The following VWA2 variants were observed in gnomAD, a reference collection of about 807,000 sequenced individuals.
VWA2 encodes the protein von Willebrand factor A domain containing 2.
A neutral mutation model predicts 70.4 loss-of-function variants in VWA2; 73 were observed. The ratio of observed to expected loss-of-function variants is 1.04; its 90% CI spans 0.86 to 1.26. The LOEUF (loss-of-function observed/expected upper bound fraction) is 1.26, where lower values mean the gene tolerates loss of function less well. Among genes scored for constraint, VWA2 ranks in the 50% most tolerant of loss-of-function variants. The probability of loss-of-function intolerance (pLI) is 0.00; values close to 1 mark genes in which losing one functional copy is unlikely to be tolerated. For synonymous variants in VWA2, 407 were observed against 423.3 expected (o/e 0.96, Z 0.47); for missense variants, 1,011 against 998.5 (o/e 1.01, Z -0.17).
intron 1 of VWA2, among the ~76,000 whole-genome samples, chr10:114,242,765 T>G (rs754628870): frequency 2.0e-5 from 3 of 152,266 alleles, no homozygotes; most frequent in Non-Finnish European, 4.4e-5. Flanking sequence ...AATGATAATA[T>G]CTACCCTACA....
At chr10:114,242,597 CTG>C (rs1205056483) in intron 1 of VWA2, among the ~76,000 whole-genome samples, 3 of 152,092 alleles carry the variant, frequency 2.0e-5, no homozygotes, top group African/African-American at 7.2e-5. Context: ...CCGCATGTCT[CTG>C]TGTACCACGT....
At chr10:114,240,036 A>G (rs1040803579) in intron 1 of VWA2, among the ~76,000 whole-genome samples, 17 of 152,202 alleles carry the variant, frequency 1.1e-4, no homozygotes, top group Admixed American at 6.5e-4. Flanking sequence ...CCCACACCCC[A>G]CTACAGGACA....
At chr10:114,263,217 G>A (rs1264263869) in intron 5 of VWA2, among the ~76,000 whole-genome samples, 1 of 151,452 alleles carries the variant, frequency 6.6e-6, no homozygotes, top group Non-Finnish European at 1.5e-5. Context: ...GTTTCCCCAT[G>A]TTGCCCAGGC....
In VWA2 at chr10:114,250,124, C is replaced by T. The variant is rs114910987; in HGVS notation, c.52+1359C>T. On this transcript the variant is annotated intron_variant, in intron 2 of 13. Coordinates refer to ENST00000392982, the MANE Select transcript of VWA2 (RefSeq NM_001272046.2). The stretch of plus-strand genomic sequence containing the variant: ...TCCCCCTCTTCAAACCCCTTGTAGA[C>T]CTTGCTCTGTAGCACTTAACACAGA... Among the ~76,000 whole-genome samples, 294 of 152,340 alleles carry T rather than the reference C, an allele frequency of 1.9e-3. 1 individual carries two copies. Among genetic ancestry groups the T allele is most frequent in the African/African-American group, 6.4e-3 (268 of 41,572 alleles).
rs924052626 is a variant in VWA2, at chr10:114,292,199, C to G, written c.*962C>G. 4.6e-5 allele frequency among the ~76,000 whole-genome samples: 7 copies of G among 151,928 alleles called. No individual in the cohort carries two copies. Among genetic ancestry groups the G allele is most frequent in the African/African-American group, 1.5e-4 (6 of 41,342 alleles). On this transcript the variant is annotated 3_prime_UTR_variant, in exon 14 of 14. Coordinates refer to ENST00000392982, the MANE Select transcript of VWA2 (RefSeq NM_001272046.2). Reference sequence around the variant, plus strand: ...GGCTGAGACAGGAGAATGGCTTGAACCTGGGAGGCGGAAGTTACAGTGAGC... The same window carrying G: ...GGCTGAGACAGGAGAATGGCTTGAAGCTGGGAGGCGGAAGTTACAGTGAGC...
chr10:114,277,941 C>A lies in VWA2; in HGVS notation c.594C>A (p.Ser198Arg). The change falls in exon 7 of 14, where the codon AGC (serine) becomes AGA (arginine). Residue 198 changes from serine to arginine, a missense_variant. Transcript: ENST00000392982. ...GGGAGGAGCTGCATGCACTGGCCAGCGAGCCTAGAGGGCAGCACGTGCTGT... is the reference window on the plus strand; with the variant it reads ...GGGAGGAGCTGCATGCACTGGCCAGAGAGCCTAGAGGGCAGCACGTGCTGT... ...PRWEELHALA[S>R]EPRGQHVLLA... 6.2e-7 allele frequency: 1 copy of A among 1,610,326 alleles called. No homozygotes were observed. Among genetic ancestry groups the A allele is most frequent in the Non-Finnish European group, 8.5e-7 (1 of 1,178,344 alleles).
At chr10:114,248,454 G>T (rs2037121549) in intron 1 of VWA2, among the ~76,000 whole-genome samples, 1 of 152,190 alleles carries the variant, frequency 6.6e-6, no homozygotes, top group Non-Finnish European at 1.5e-5. Context: ...GGAGGGCTGG[G>T]GTGCATTTGG....
At chr10:114,282,851 AC>A (rs1177896803) in intron 9 of VWA2, among the ~76,000 whole-genome samples, 2 of 152,202 alleles carry the variant, frequency 1.3e-5, no homozygotes, top group Non-Finnish European at 2.9e-5. Flanking sequence ...AGCTTTGCAG[AC>A]ATCCTCAAAG....
At chr10:114,249,932 C>A (rs2037160552) in intron 2 of VWA2, among the ~76,000 whole-genome samples, 2 of 152,180 alleles carry the variant, frequency 1.3e-5, no homozygotes, top group African/African-American at 4.8e-5. Flanking sequence ...AGCCCACTCT[C>A]CTTCCAGTCC....
At chr10:114,265,926 A>G (rs1015320981) in intron 5 of VWA2, among the ~76,000 whole-genome samples, 11 of 152,238 alleles carry the variant, frequency 7.2e-5, no homozygotes, top group African/African-American at 2.4e-4. Flanking sequence ...ATCAGAATGG[A>G]GGAACATGGG....
chr10:114,289,528 G>A (rs964980379), intron 12 of VWA2, 39 bp downstream of exon 12: 2 of 1,608,206 alleles, frequency 1.2e-6, no homozygotes, highest in East Asian at 4.5e-5. Context: ...CTGCCCCCAT[G>A]GCAGGCCCTC....
chr10:114,294,303 T>G lies in VWA2; in HGVS notation c.*3066T>G, dbSNP rs1010740308. Among the ~76,000 whole-genome samples, 22 of 152,334 alleles carry G rather than the reference T, an allele frequency of 1.4e-4. No homozygotes were observed. Among genetic ancestry groups the G allele is most frequent in the African/African-American group, 5.1e-4 (21 of 41,578 alleles). On this transcript the variant is annotated 3_prime_UTR_variant, in exon 14 of 14. Transcript: ENST00000392982. ...CTAACCTTATAATGGAAAATACATA[T>G]TTCTCAAACTTTTACACTGATATAT... is the stretch of plus-strand genomic sequence containing the variant.
chr10:114,264,214 T>C (rs2037510889), intron 5 of VWA2, among the ~76,000 whole-genome samples: 2 of 152,242 alleles, frequency 1.3e-5, no homozygotes, highest in Admixed American at 1.3e-4. Context: ...CAGTGCTGTT[T>C]ATAGCAGCTC....
intron 13 of VWA2, 103 bp from the exon 14 acceptor site, chr10:114,291,115 G>C: frequency 7.4e-7 from 1 of 1,349,252 alleles, no homozygotes; most frequent in Admixed American, 2.0e-5. Context: ...GGCGAGGTGG[G>C]TTGTAGAGTA....
At chr10:114,263,751 T>A (rs1177786424) in intron 5 of VWA2, among the ~76,000 whole-genome samples, 1 of 152,214 alleles carries the variant, frequency 6.6e-6, no homozygotes, top group Non-Finnish European at 1.5e-5. Context: ...GTTAACACAT[T>A]TAATGTGTAC....
rs551265614 is a variant in VWA2, at chr10:114,243,488, C to T, written c.-11+3919C>T. 4.6e-5 allele frequency among the ~76,000 whole-genome samples: 7 copies of T among 152,278 alleles called. No homozygotes were observed. In the South Asian group the frequency reaches 8.3e-4, roughly 18 times the overall value. On this transcript the variant is annotated intron_variant, in intron 1 of 13. Coordinates refer to ENST00000392982, the MANE Select transcript of VWA2 (RefSeq NM_001272046.2). The stretch of plus-strand genomic sequence containing the variant: ...ATTGTTCCAGCAAGGACTTCCCCAC[C>T]GGATATTTTTACCTCTGATTTTAGT...
chr10:114,248,327 C>A (rs1407100731), intron 1 of VWA2, among the ~76,000 whole-genome samples: 4 of 151,984 alleles, frequency 2.6e-5, no homozygotes, highest in Non-Finnish European at 4.4e-5. Flanking sequence ...AAATGGAGAC[C>A]CTGAGAAAGA....
rs2039817267 is a variant in VWA2 at position 114,293,749 on chromosome 10, A to G, written c.*2512A>G. Reference sequence around the variant, plus strand: ...TTCCAGTCATCTTGTTGAATACCCTAGTTCTAATAATTGACTCTTGCTTTT... The same window carrying G: ...TTCCAGTCATCTTGTTGAATACCCTGGTTCTAATAATTGACTCTTGCTTTT... On this transcript the variant is annotated 3_prime_UTR_variant, in exon 14 of 14. Coordinates refer to ENST00000392982, the MANE Select transcript of VWA2 (RefSeq NM_001272046.2). Among the ~76,000 whole-genome samples the G allele has an allele frequency of 6.6e-6, 1 of 152,196 alleles. No individual in the cohort carries two copies. Among genetic ancestry groups the G allele is most frequent in the South Asian group, 2.1e-4 (1 of 4,832 alleles).
intron 5 of VWA2, among the ~76,000 whole-genome samples, chr10:114,261,853 G>A (rs1053300399): frequency 6.6e-6 from 1 of 152,156 alleles, no homozygotes; most frequent in African/African-American, 2.4e-5. Context: ...ACTTTTATTG[G>A]CTCATGGTTG....
Sources: allele counts gnomAD v4.1 joint callset (sites outside exome capture counted in the v4.1 genomes callset), GRCh38; gene constraint gnomAD v4.1.1; transcripts MANE v1.5; gene names NCBI Gene and HGNC (gene_info 2026-07-23, HGNC 2026-07-21).